DIAPH3: variants seen among roughly 807,000 people sequenced by gnomAD.
The protein encoded by DIAPH3 is diaphanous related formin 3.
Under a neutral mutation model 144.3 loss-of-function variants are expected in DIAPH3, and 117 were observed. The ratio of observed to expected loss-of-function variants is 0.81; its 90% CI spans 0.70 to 0.95. DIAPH3 has a LOEUF of 0.95. DIAPH3 is among the 40% of genes least tolerant of loss of function. The probability of loss-of-function intolerance (pLI) is 0.00; values close to 1 mark genes in which losing one functional copy is unlikely to be tolerated. For missense variants in DIAPH3, 1,421 were observed against 1,412.7 expected, an observed-to-expected ratio of 1.01 and a Z score of -0.09; for synonymous variants, 519 against 488.9, an observed-to-expected ratio of 1.06 and a Z score of -0.81.
At chr13:59,988,037 T>C (rs1157667205) in intron 12 of DIAPH3, among the ~76,000 whole-genome samples, 3 of 151,778 alleles carry the variant, frequency 2.0e-5, no homozygotes, top group Non-Finnish European at 2.9e-5. Flanking sequence ...TTCCTTTCCA[T>C]AAACTATGAC....
At position 59,682,489 on chromosome 13, in the gene DIAPH3, A is replaced by C. The variant is rs183075222; in HGVS notation, c.3320-15643T>G. Reference sequence around the variant, plus strand: ...GGTGTGAGCCTCCATGCCTGGCTTCAATCTATTTTAAAGGTTAAAGTTTTA... The same window carrying C: ...GGTGTGAGCCTCCATGCCTGGCTTCCATCTATTTTAAAGGTTAAAGTTTTA... On this transcript the variant is annotated intron_variant, in intron 27 of 27. Transcript: ENST00000400324. Among the ~76,000 whole-genome samples the C allele has an allele frequency of 7.0e-3, 1,069 of 152,232 alleles. 48 individuals are homozygous for C. Among genetic ancestry groups the C allele is most frequent in the Admixed American group, 0.064 (978 of 15,270 alleles).
At chr13:60,142,311 T>C (rs1410922518) in intron 1 of DIAPH3, among the ~76,000 whole-genome samples, 1 of 152,184 alleles carries the variant, frequency 6.6e-6, no homozygotes, top group Non-Finnish European at 1.5e-5. Flanking sequence ...TTAGTTATGC[T>C]TCCAGGAGTC....
intron 24 of DIAPH3, among the ~76,000 whole-genome samples, chr13:59,826,045 T>C (rs1360885918): frequency 2.6e-5 from 4 of 151,900 alleles, no homozygotes; most frequent in Non-Finnish European, 4.4e-5. Flanking sequence ...ATAATAAGAG[T>C]TATCTAGGAC....
chr13:59,680,947 T>C (rs1593564744), intron 27 of DIAPH3, among the ~76,000 whole-genome samples: 1 of 152,274 alleles, frequency 6.6e-6, no homozygotes, highest in South Asian at 2.1e-4. Flanking sequence ...AAGCAATGTG[T>C]TCTGTAGTTT....
intron 27 of DIAPH3, among the ~76,000 whole-genome samples, chr13:59,678,475 C>T (rs2032762816): frequency 1.3e-5 from 2 of 152,094 alleles, no homozygotes; most frequent in Non-Finnish European, 2.9e-5. Flanking sequence ...TGGCTTTCTT[C>T]CTTCAAAGGA....
intron 1 of DIAPH3, among the ~76,000 whole-genome samples, chr13:60,145,253 A>G (rs1951448987): frequency 6.6e-6 from 1 of 152,140 alleles, no homozygotes; most frequent in African/African-American, 2.4e-5. Context: ...GCAGTTTCTG[A>G]ATTATTTATG....
intron 20 of DIAPH3, among the ~76,000 whole-genome samples, chr13:59,894,596 T>G (rs2045988703): frequency 9.5e-6 from 1 of 105,510 alleles, no homozygotes; most frequent in African/African-American, 3.8e-5. Flanking sequence ...CAAAAGCACA[T>G]AAATAGAATG....
At chr13:59,783,294 A>C (rs2038845695) in intron 25 of DIAPH3, among the ~76,000 whole-genome samples, 1 of 152,216 alleles carries the variant, frequency 6.6e-6, no homozygotes, top group Non-Finnish European at 1.5e-5. Flanking sequence ...GCTGATTTCC[A>C]GGCATTTGGC....
At chr13:60,132,634 CAT>C (rs2059173696) in intron 2 of DIAPH3, among the ~76,000 whole-genome samples, 1 of 152,054 alleles carries the variant, frequency 6.6e-6, no homozygotes, top group Admixed American at 6.5e-5. Flanking sequence ...GAAAAGCTGA[CAT>C]GTCTTTGCTA....
chr13:60,142,776 G>A (rs2059453995), intron 1 of DIAPH3, among the ~76,000 whole-genome samples: 1 of 151,546 alleles, frequency 6.6e-6, no homozygotes, highest in Non-Finnish European at 1.5e-5. Context: ...ATTTTTTTTA[G>A]AGACAGGGTC....
chr13:59,845,410 C>G (rs1211435698), intron 22 of DIAPH3, among the ~76,000 whole-genome samples: 1 of 152,114 alleles, frequency 6.6e-6, no homozygotes, highest in African/African-American at 2.4e-5. Flanking sequence ...TACAGTTTTT[C>G]TCCAGCGTCA....
intron 5 of DIAPH3, among the ~76,000 whole-genome samples, chr13:60,032,424 C>A (rs2054873383): frequency 6.6e-6 from 1 of 152,214 alleles, no homozygotes; most frequent in Non-Finnish European, 1.5e-5. Flanking sequence ...CTCCATATAT[C>A]CTCTAAAATC....
At chr13:60,149,882 G>A (rs1951705011) in intron 1 of DIAPH3, among the ~76,000 whole-genome samples, 1 of 151,704 alleles carries the variant, frequency 6.6e-6, no homozygotes, top group Non-Finnish European at 1.5e-5. Flanking sequence ...TGTTAAAAAA[G>A]AAAAAATAAT....
intron 13 of DIAPH3, among the ~76,000 whole-genome samples, chr13:59,981,921 C>A (rs1051256265): frequency 6.6e-6 from 1 of 151,370 alleles, no homozygotes; most frequent in Non-Finnish European, 1.5e-5. Context: ...GTTCTCTAAT[C>A]CTAATTTTTG....
At chr13:60,133,319 T>A (rs1285637928) in intron 1 of DIAPH3, among the ~76,000 whole-genome samples, 1 of 152,030 alleles carries the variant, frequency 6.6e-6, no homozygotes, top group African/African-American at 2.4e-5. Flanking sequence ...ACACAATGTA[T>A]CTGTCTGAGA....
At chr13:60,028,663 T>A (rs1305161010) in intron 5 of DIAPH3, among the ~76,000 whole-genome samples, 1 of 152,032 alleles carries the variant, frequency 6.6e-6, no homozygotes, top group East Asian at 1.9e-4. Flanking sequence ...GACTTAAATA[T>A]CTCCACTCCA....
chr13:59,841,034 T>C (rs149152919), intron 22 of DIAPH3, among the ~76,000 whole-genome samples: 335 of 152,284 alleles, frequency 2.2e-3, no homozygotes, highest in African/African-American at 7.5e-3. Context: ...TTTTTATGTC[T>C]GCTTGTCAAT....
intron 17 of DIAPH3, among the ~76,000 whole-genome samples, chr13:59,955,088 AT>A (rs1566568007): frequency 1.3e-5 from 2 of 151,168 alleles, no homozygotes; most frequent in African/African-American, 4.9e-5. Flanking sequence ...ATGTATATAT[AT>A]ATATACATGT....
rs188500824 is a variant in DIAPH3 at position 59,983,725 on chromosome 13, A to G, written c.1480+44T>C. 1.6e-4 allele frequency: 210 copies of G among 1,329,872 alleles called. 1 individual carries two copies. The highest frequency in any genetic ancestry group is 2.1e-4 in the Non-Finnish European group (198 of 927,230). 82.4% of individuals were successfully genotyped at this position (1,329,872 alleles called of 1,614,324 possible). On this transcript the variant is annotated intron_variant, in intron 13 of 27. Coordinates refer to ENST00000400324, the MANE Select transcript of DIAPH3 (RefSeq NM_001042517.2). ...CAATGCCCTAGAGCTCATTCATAGA[A>G]TAAGAGACAATAAGATATTTCTATT...
Sources: allele counts gnomAD v4.1 joint callset (sites outside exome capture counted in the v4.1 genomes callset), GRCh38; gene constraint gnomAD v4.1.1; transcripts MANE v1.5; gene names NCBI Gene and HGNC (gene_info 2026-07-23, HGNC 2026-07-21).